Variants in ANKS1B observed in about 807,000 individuals in gnomAD.
The protein encoded by ANKS1B is ankyrin repeat and sterile alpha motif domain-containing protein 1B.
In ANKS1B, 36 loss-of-function variants were observed where a neutral mutation model predicts 148.3. The ratio of observed to expected loss-of-function variants is 0.24; its 90% CI spans 0.19 to 0.32. The LOEUF is 0.32. Ranked by LOEUF, ANKS1B falls within the 10% of genes least tolerant of loss-of-function variation. The pLI is 1.00. For missense variants in ANKS1B, 1,157 were observed against 1,542.6 expected (o/e 0.75, Z 4.19); for synonymous variants, 542 against 560.8 (o/e 0.97, Z 0.47).
At chr12:99,316,081 T>C (rs2084034763) in intron 12 of ANKS1B, among the ~76,000 whole-genome samples, 1 of 152,228 alleles carries the variant, frequency 6.6e-6, no homozygotes, top group African/African-American at 2.4e-5. Flanking sequence ...TGATGGACAT[T>C]GGGGTTGGTT....
At position 99,246,435 on chromosome 12, in the gene ANKS1B, A is replaced by C; in HGVS notation, c.2186T>G (p.Met729Arg). The C allele has an allele frequency of 6.2e-7, 1 of 1,613,892 alleles. No individual in the cohort carries two copies. Among genetic ancestry groups the C allele is most frequent in the Non-Finnish European group, 8.5e-7 (1 of 1,179,870 alleles). Residue 729 changes from methionine to arginine, a missense_variant, in exon 13 of 27, where the codon ATG (methionine) becomes AGG (arginine). Around this residue, in one of 6 missense-constraint regions of ANKS1B, gnomAD observed 661 missense variants for 642.1 expected, o/e 1.03. Transcript: ENST00000683438. ...TTTAGAGACACTTTTTGACAAATGC[A>C]TGTCGATCAAGGCTTTAGGCAATGA... The part of the protein sequence containing the change: ...IRSLPKALID[M>R]HLSKSVSKSD...
chr12:99,878,448 C>T (rs1421176100), intron 1 of ANKS1B, among the ~76,000 whole-genome samples: 2 of 152,182 alleles, frequency 1.3e-5, no homozygotes, highest in African/African-American at 4.8e-5. Flanking sequence ...TGCGTCTTTT[C>T]AAAAATCTTT....
chr12:99,491,221 CGTG>C (rs1335066778), intron 10 of ANKS1B, among the ~76,000 whole-genome samples: 37 of 152,032 alleles, frequency 2.4e-4, no homozygotes, highest in African/African-American at 8.7e-4. Flanking sequence ...AGGAGAATGG[CGTG>C]AACCTGGGAG....
intron 15 of ANKS1B, chr12:99,093,753 T>C (rs573520642): frequency 6.6e-6 from 1 of 152,298 alleles, no homozygotes; most frequent in South Asian, 2.1e-4. Flanking sequence ...TATGGTTGTC[T>C]TCAAAGAACA....
chr12:98,799,068 A>G, intron 21 of ANKS1B, 63 bp from the exon 22 acceptor site: 1 of 1,227,136 alleles, frequency 8.1e-7, no homozygotes, highest in Non-Finnish European at 1.1e-6. Flanking sequence ...AATGTTTTAA[A>G]AACAAATTGT....
intron 12 of ANKS1B, among the ~76,000 whole-genome samples, chr12:99,323,200 T>C (rs147311862): frequency 5.4e-4 from 83 of 152,296 alleles, no homozygotes; most frequent in African/African-American, 1.9e-3. Context: ...GAGTTGTGTA[T>C]CTGTTCTATT....
intron 25 of ANKS1B, among the ~76,000 whole-genome samples, chr12:98,754,000 C>A (rs902990475): frequency 6.6e-6 from 1 of 152,114 alleles, no homozygotes; most frequent in Non-Finnish European, 1.5e-5. Context: ...GGTTCTAGAC[C>A]AACCAGATTC....
intron 1 of ANKS1B, among the ~76,000 whole-genome samples, chr12:99,965,826 C>T (rs1241473973): frequency 6.6e-6 from 1 of 152,114 alleles, no homozygotes. Flanking sequence ...GCACAAGAAT[C>T]GCTTGAACCC....
At chr12:99,716,322 T>C (rs1158867248) in intron 8 of ANKS1B, among the ~76,000 whole-genome samples, 1 of 151,768 alleles carries the variant, frequency 6.6e-6, no homozygotes, top group East Asian at 1.9e-4. Flanking sequence ...CAACCCCTTA[T>C]TTTGGCGCCC....
At chr12:99,001,068 G>GT (rs1317866893) in intron 17 of ANKS1B, among the ~76,000 whole-genome samples, 4 of 151,610 alleles carry the variant, frequency 2.6e-5, no homozygotes, top group South Asian at 4.2e-4. Flanking sequence ...TCCACATCTT[G>GT]TTTTTTTTGA....
At chr12:98,755,704 G>T (rs565503034) in intron 25 of ANKS1B, among the ~76,000 whole-genome samples, 25 of 152,168 alleles carry the variant, frequency 1.6e-4, no homozygotes, top group Non-Finnish European at 3.4e-4. Flanking sequence ...GGCAGTGGAG[G>T]CTCAGAGGGG....
At chr12:99,821,642 C>T (rs2082515548) in intron 2 of ANKS1B, among the ~76,000 whole-genome samples, 1 of 151,922 alleles carries the variant, frequency 6.6e-6, no homozygotes, top group African/African-American at 2.4e-5. Flanking sequence ...TGCTTACCTA[C>T]CAATGCCAAT....
intron 9 of ANKS1B, among the ~76,000 whole-genome samples, chr12:99,625,593 A>G (rs924111848): frequency 4.6e-5 from 7 of 152,188 alleles, no homozygotes; most frequent in African/African-American, 1.4e-4. Context: ...GACAGTGATA[A>G]GAATAGTAGT....
At chr12:99,459,813 G>C (rs1370210516) in intron 10 of ANKS1B, among the ~76,000 whole-genome samples, 1 of 151,910 alleles carries the variant, frequency 6.6e-6, no homozygotes, top group Admixed American at 6.6e-5. Flanking sequence ...TCAATATTGT[G>C]AAAAATGACC....
At chr12:99,151,230 T>C (rs1304956530) in intron 15 of ANKS1B, among the ~76,000 whole-genome samples, 1 of 151,962 alleles carries the variant, frequency 6.6e-6, no homozygotes, top group African/African-American at 2.4e-5. Context: ...TTGACAAATA[T>C]TTAAAAACAA....
At chr12:98,794,850 C>T (rs2098933087) in intron 22 of ANKS1B, 1 of 1,602,766 alleles carries the variant, frequency 6.2e-7, no homozygotes, top group Non-Finnish European at 8.5e-7. Context: ...TTCAGGATAT[C>T]AAAGAAGTCA....
At chr12:99,191,093 A>C (rs1389786728) in intron 14 of ANKS1B, among the ~76,000 whole-genome samples, 2 of 152,240 alleles carry the variant, frequency 1.3e-5, no homozygotes, top group African/African-American at 4.8e-5. Flanking sequence ...CAAACATGAA[A>C]AAAAGCTATA....
intron 17 of ANKS1B, among the ~76,000 whole-genome samples, chr12:98,965,168 C>T (rs1289765810): frequency 6.6e-6 from 1 of 152,100 alleles, no homozygotes; most frequent in African/African-American, 2.4e-5. Flanking sequence ...TTATTGAGAG[C>T]CAAATAGCAG....
At chr12:99,755,845 C>T (rs2061520886) in intron 8 of ANKS1B, among the ~76,000 whole-genome samples, 1 of 151,558 alleles carries the variant, frequency 6.6e-6, no homozygotes, top group African/African-American at 2.4e-5. Context: ...GACTTTAAAC[C>T]AACAAAGATC....
Sources: gnomAD v4.1 joint callset for allele counts (sites outside exome capture counted in the v4.1 genomes callset) on GRCh38, gnomAD v4.1.1 for gene constraint, gnomAD v4.1.1 regional missense constraint, MANE v1.5 for transcripts, NCBI Gene and HGNC (gene_info 2026-07-23, HGNC 2026-07-21) for gene names.